The following ARHGEF40 variants were observed in gnomAD, a reference collection of about 807,000 sequenced individuals.
ARHGEF40 encodes the protein Rho guanine nucleotide exchange factor 40, also known as Rho guanine nucleotide exchange factor (GEF) 40.
A neutral mutation model predicts 165.9 loss-of-function variants in ARHGEF40; 98 were observed. That is an observed-to-expected ratio of 0.59 (90% CI 0.50 to 0.70). ARHGEF40 has a LOEUF of 0.70. ARHGEF40 is among the 30% of genes least tolerant of loss of function. The probability of loss-of-function intolerance (pLI) is 0.00; values close to 1 mark genes in which losing one functional copy is unlikely to be tolerated. For synonymous variants in ARHGEF40, 792 were observed against 814.3 expected (o/e 0.97, Z 0.47); for missense variants, 1,815 against 1,968.0 (o/e 0.92, Z 1.47).
chr14:21,073,094 A>G lies in ARHGEF40; in HGVS notation c.53A>G (p.Tyr18Cys), dbSNP rs904758406. The change falls in exon 2 of 24, where the codon TAT becomes TGT. Residue 18 changes from tyrosine (Y) to cysteine (C), a missense_variant. By Grantham distance (194) the Tyr-to-Cys change is radical. Transcript: ENST00000298694. This position sits in a 1 kb window ranked among gnomAD's most constrained non-coding sequence, Gnocchi z 4.6. ...GTGCAGAGCACTCTCGCCGCCCTGTATCCACCCTTTGAGGCAACAGCCCCC... is the reference window on the plus strand; with the variant it reads ...GTGCAGAGCACTCTCGCCGCCCTGTGTCCACCCTTTGAGGCAACAGCCCCC... Reference protein sequence around the residue: ...DCVQSTLAALYPPFEATAPTL... With the variant: ...DCVQSTLAALCPPFEATAPTL... 2 of 1,614,106 alleles carry G rather than the reference A, an allele frequency of 1.2e-6. No individual in the cohort carries two copies. The highest frequency in any genetic ancestry group is 1.7e-6 in the Non-Finnish European group (2 of 1,180,006).
At position 21,089,043 on chromosome 14, in the gene ARHGEF40, C is replaced by G. The variant is rs942147166; in HGVS notation, c.*35C>G. 3 of 628,056 alleles carry G rather than the reference C, an allele frequency of 4.8e-6. No homozygotes were observed. Among genetic ancestry groups the G allele is most frequent in the Middle Eastern group, 9.0e-4 (2 of 2,234 alleles). The allele number at this position is 628,056 out of a possible 1,614,324, so 38.9% of individuals were successfully genotyped here. The stretch of plus-strand genomic sequence containing the variant: ...GATCCAGAACTTGCGTGCAGCTTCT[C>G]CTCTCAGCACACTTTGGGCTGGGAT... On this transcript the variant is annotated 3_prime_UTR_variant, in exon 24 of 24. Transcript: ENST00000298694.
rs200245338 is a variant in ARHGEF40 at position 21,073,906 on chromosome 14, G to A, written c.202-26G>A. The A allele has an allele frequency of 4.8e-5, 75 of 1,573,020 alleles. No homozygotes were observed. The highest frequency in any genetic ancestry group is 6.0e-5 in the Non-Finnish European group (70 of 1,164,592). On this transcript the variant is annotated intron_variant, in intron 2 of 23. Transcript: ENST00000298694. This position sits in a 1 kb window ranked among gnomAD's most constrained non-coding sequence, Gnocchi z 4.6. The stretch of plus-strand genomic sequence containing the variant: ...GCTGGTTTCTTCAGCAGAGGCCTGA[G>A]TGCAGCCTCCCACCTCTCTCCCCAG...
At chr14:21,064,362 C>T in the ARHGEF40 span, among the ~76,000 whole-genome samples, 3 of 151,402 alleles carry the variant, frequency 2.0e-5, no homozygotes, top group Non-Finnish European at 2.9e-5. Context: ...AGTGTAGTGG[C>T]GTGATCTTGG....
the ARHGEF40 span, among the ~76,000 whole-genome samples, chr14:21,062,266 G>A: frequency 6.6e-6 from 1 of 152,214 alleles, no homozygotes; most frequent in Admixed American, 6.5e-5. Flanking sequence ...ACTGCACAGT[G>A]GGCTTTGGTG....
upstream of ARHGEF40, among the ~76,000 whole-genome samples, chr14:21,069,760 G>A (rs745873447): frequency 1.3e-5 from 2 of 152,202 alleles, no homozygotes; most frequent in African/African-American, 4.8e-5. Context: ...CCGGCCCTCC[G>A]CTCTCTGCTA....
chr14:21,075,239 GA>G lies in ARHGEF40; in HGVS notation c.1450+60del, dbSNP rs1887314227. On this transcript the variant is annotated intron_variant, in intron 3 of 23. Transcript: ENST00000298694. This position sits in a 1 kb window ranked among gnomAD's most constrained non-coding sequence, Gnocchi z 4.5. ...GGGCCAAAGCAGGTCGGGCCTATGGGAGGGGGCAGGAGGAGGAGCAGGGTTA... is the reference window on the plus strand; with the variant it reads ...GGGCCAAAGCAGGTCGGGCCTATGGGGGGGGCAGGAGGAGGAGCAGGGTTA... 16 of 1,586,142 alleles carry G rather than the reference GA, an allele frequency of 1.0e-5. No individual in the cohort carries two copies. Among genetic ancestry groups the G allele is most frequent in the Middle Eastern group, 2.1e-4 (1 of 4,796 alleles).
chr14:21,088,887 A>T lies in ARHGEF40; in HGVS notation c.*5+11A>T, dbSNP rs1343573213. On this transcript the variant is annotated intron_variant, in intron 23 of 23. Coordinates refer to ENST00000298694, the MANE Select transcript of ARHGEF40 (RefSeq NM_018071.5). ...GCCTCTGTGACCTGGGTGAGTCAGC[A>T]TCCCCAATTTCTACCACATCCAGCA... 6.2e-7 allele frequency: 1 copy of T among 1,611,618 alleles called. No homozygotes were observed. Among genetic ancestry groups the T allele is most frequent in the Non-Finnish European group, 8.5e-7 (1 of 1,178,320 alleles).
At position 21,081,973 on chromosome 14, in the gene ARHGEF40, G is replaced by A; in HGVS notation, c.3105G>A (p.Val1035=). 6.3e-7 allele frequency: 1 copy of A among 1,594,504 alleles called. No individual in the cohort carries two copies. The highest frequency in any genetic ancestry group is 8.5e-7 in the Non-Finnish European group (1 of 1,170,478). The change falls in exon 14 of 24, where the codon GTG becomes GTA. Residue 1035 remains valine (V), a synonymous_variant. Coordinates refer to ENST00000298694, the MANE Select transcript of ARHGEF40 (RefSeq NM_018071.5). ...CAGAGGGCAGGCCCCCAAGAGCTGTGCTGATCCGAGGCCTGGAGGTCACCA... is the reference window on the plus strand; with the variant it reads ...CAGAGGGCAGGCCCCCAAGAGCTGTACTGATCCGAGGCCTGGAGGTCACCA... ...PEAEGRPPRA[V]LIRGLEVTST...
In ARHGEF40 at chr14:21,084,735, T is replaced by A. The variant is rs762049135; in HGVS notation, c.3790-18T>A. ...AAAGGGCCCCTGGGCCAACCACTTT[T>A]CCTTTTCCTTTCTCCAGATAGATCT... On this transcript the variant is annotated intron_variant, in intron 17 of 23. Coordinates refer to ENST00000298694, the MANE Select transcript of ARHGEF40 (RefSeq NM_018071.5). 6.2e-7 allele frequency: 1 copy of A among 1,606,412 alleles called. No homozygotes were observed. Among genetic ancestry groups the A allele is most frequent in the East Asian group, 2.2e-5 (1 of 44,826 alleles).
chr14:21,074,862 G>A lies in ARHGEF40; in HGVS notation c.1132G>A (p.Gly378Arg). 1 of 1,610,862 alleles carries A rather than the reference G, an allele frequency of 6.2e-7. No individual in the cohort carries two copies. Among genetic ancestry groups the A allele is most frequent in the Non-Finnish European group, 8.5e-7 (1 of 1,178,736 alleles). The change falls in exon 3 of 24, where the codon GGA becomes AGA. Residue 378 changes from glycine (G) to arginine (R), a missense_variant. Transcript: ENST00000298694. This position sits in a 1 kb window ranked among gnomAD's most constrained non-coding sequence, Gnocchi z 4.8. ...TGGTACCCCTCGGAGAACAGGCAAA[G>A]GAAACAGAAGAAAGAAGCGAGCTGC... ...PPGTPRRTGK[G>R]NRRKKRAAGR...
rs1270525523 is a variant in ARHGEF40 at position 21,078,167 on chromosome 14, T to A, written c.2035-10T>A. 1.2e-6 allele frequency: 2 copies of A among 1,608,108 alleles called. No homozygotes were observed. Among genetic ancestry groups the A allele is most frequent in the African/African-American group, 2.7e-5 (2 of 74,732 alleles). ...TGATCCTCAACTCCATCCCTGCATGTGGGTTTCAGGAAGTGGTAAGGCTAT... is the reference window on the plus strand; with the variant it reads ...TGATCCTCAACTCCATCCCTGCATGAGGGTTTCAGGAAGTGGTAAGGCTAT... On this transcript the variant is annotated splice_polypyrimidine_tract_variant and intron_variant, in intron 8 of 23. Coordinates refer to ENST00000298694, the MANE Select transcript of ARHGEF40 (RefSeq NM_018071.5).
At chr14:21,076,682 G>T in intron 7 of ARHGEF40, 39 bp downstream of exon 7, 1 of 1,508,908 alleles carries the variant, frequency 6.6e-7, no homozygotes, top group Non-Finnish European at 9.1e-7. Flanking sequence ...CCCATCAGTA[G>T]TGGGGAGAGG....
rs1369344353 is a variant in ARHGEF40 at position 21,070,604 on chromosome 14, T to C, written c.3+205T>C. Among the ~76,000 whole-genome samples the C allele has an allele frequency of 6.6e-6, 1 of 151,646 alleles. No individual in the cohort carries two copies. Reference sequence around the variant, plus strand: ...TCCCCACCGGGTATTGCCCTCACCCTTTCTTCCTCCTCTCCTCCGCCTCCT... The same window carrying C: ...TCCCCACCGGGTATTGCCCTCACCCCTTCTTCCTCCTCTCCTCCGCCTCCT... On this transcript the variant is annotated intron_variant, in intron 1 of 23. Transcript: ENST00000298694. This position sits in a 1 kb window ranked among gnomAD's most constrained non-coding sequence, Gnocchi z 4.7.
In ARHGEF40 at chr14:21,074,229, C is replaced by G; in HGVS notation, c.499C>G (p.Leu167Val). Residue 167 changes from leucine to valine, a missense_variant, in exon 3 of 24, where the codon CTG (leucine) becomes GTG (valine). Transcript: ENST00000298694. This position sits in a 1 kb window ranked among gnomAD's most constrained non-coding sequence, Gnocchi z 4.8. The stretch of plus-strand genomic sequence containing the variant: ...AACAGGTCGCCTCAGTACCTGCCTA[C>G]TGTCTGCGCCCTCTGGGATTCAGCG... The part of the protein sequence containing the change: ...RPTGRLSTCL[L>V]SAPSGIQRLP... The G allele has an allele frequency of 1.2e-6, 2 of 1,614,196 alleles. No homozygotes were observed. The highest frequency in any genetic ancestry group is 1.7e-6 in the Non-Finnish European group (2 of 1,180,038).
chr14:21,084,521 C>A (rs1279247557), intron 17 of ARHGEF40, among the ~76,000 whole-genome samples: 1 of 152,204 alleles, frequency 6.6e-6, no homozygotes, highest in Non-Finnish European at 1.5e-5. Flanking sequence ...TGGCTATAAA[C>A]CCTACTATGC....
chr14:21,080,785 G>A lies in ARHGEF40; in HGVS notation c.2496+3G>A, dbSNP rs745518908. The A allele has an allele frequency of 1.9e-6, 3 of 1,605,646 alleles. No homozygotes were observed. The highest frequency in any genetic ancestry group is 2.6e-6 in the Non-Finnish European group (3 of 1,174,700). ...GTGCTTTCAGCGCTGAGGTCCAGGTGAGAAGGGGCTGGAGGGCAGGTGAGA... is the reference window on the plus strand; with the variant it reads ...GTGCTTTCAGCGCTGAGGTCCAGGTAAGAAGGGGCTGGAGGGCAGGTGAGA... On this transcript the variant is annotated splice_donor_region_variant and intron_variant, in intron 12 of 23. Transcript: ENST00000298694.
chr14:21,078,555 C>G, intron 10 of ARHGEF40, 67 bp downstream of exon 10: 1 of 1,446,936 alleles, frequency 6.9e-7, no homozygotes. Flanking sequence ...AGGCTGCCAA[C>G]AAACCTTAGC....
rs2139217031 is a variant in ARHGEF40 at position 21,074,833 on chromosome 14, C to T, written c.1103C>T (p.Pro368Leu). 1 of 1,606,008 alleles carries T rather than the reference C, an allele frequency of 6.2e-7. No individual in the cohort carries two copies. Among genetic ancestry groups the T allele is most frequent in the East Asian group, 2.2e-5 (1 of 44,752 alleles). Residue 368 changes from proline (P) to leucine (L), a missense_variant, in exon 3 of 24, where the codon CCA becomes CTA. Transcript: ENST00000298694. The surrounding 1 kb of genome is among the most constrained non-coding windows in gnomAD (Gnocchi z 4.8). Reference protein sequence around the residue: ...GGGGGQGAEGPPGTPRRTGKG... With the variant: ...GGGGGQGAEGLPGTPRRTGKG... ...GGAGGAGGCCAGGGGGCTGAAGGAC[C>T]ACCTGGTACCCCTCGGAGAACAGGC...
Position 21,082,109 on chromosome 14 carries a change from C to T in ARHGEF40, c.3241C>T (p.Arg1081Ter). The T allele has an allele frequency of 5.1e-6, 8 of 1,563,390 alleles. No individual in the cohort carries two copies. Among genetic ancestry groups the T allele is most frequent in the Non-Finnish European group, 6.1e-6 (7 of 1,153,980 alleles). ...AGGCACCCCCCGGATGGAGCGCAAG[C>T]GAAGCATCAGGTGAGATCCCAGCCC... ...GVGTPRMERK[R>*]SISAQQRLVS... Residue 1081 changes from arginine to a stop codon, truncating the protein, a stop_gained, in exon 14 of 24, where the codon CGA (arginine) becomes TGA (stop). Transcript: ENST00000298694. LOFTEE classifies it high-confidence loss of function.
Sources: allele counts gnomAD v4.1 joint callset (sites outside exome capture counted in the v4.1 genomes callset), GRCh38; gene constraint gnomAD v4.1.1; non-coding constraint Gnocchi (gnomAD v3.1); transcripts MANE v1.5; gene names NCBI Gene and HGNC (gene_info 2026-07-23, HGNC 2026-07-21).